Variants in ABCA4 observed in about 807,000 individuals in gnomAD.
ABCA4 encodes the protein retinal-specific phospholipid-transporting ATPase ABCA4.
Under a neutral mutation model 263.7 loss-of-function variants are expected in ABCA4, and 196 were observed. The observed-to-expected ratio is 0.74, with a 90% CI of 0.66 to 0.84. The LOEUF is 0.84. Among genes scored for constraint, ABCA4 ranks in the 40% least tolerant of loss-of-function variants. ABCA4 has a pLI of 0.00. For synonymous variants in ABCA4, 1,133 were observed against 1,094.2 expected (o/e 1.04, Z -0.70); for missense variants, 2,792 against 2,855.1 (o/e 0.98, Z 0.50).
chr1:94,036,518 A>G (rs1660341256), intron 26 of ABCA4, among the ~76,000 whole-genome samples: 1 of 151,910 alleles, frequency 6.6e-6, no homozygotes, highest in Non-Finnish European at 1.5e-5. Flanking sequence ...CTGGAATTAC[A>G]GGTGCGCGCC....
At chr1:94,089,470 A>AT (rs60711208) in intron 6 of ABCA4, among the ~76,000 whole-genome samples, 2,687 of 141,722 alleles carry the variant, frequency 0.019, 59 homozygotes, top group African/African-American at 0.052. Flanking sequence ...TTTCTTTTCT[A>AT]TTTTTTTTTT....
chr1:94,004,103 C>T (rs1182417743), intron 44 of ABCA4, among the ~76,000 whole-genome samples: 1 of 152,130 alleles, frequency 6.6e-6, no homozygotes, highest in African/African-American at 2.4e-5. Flanking sequence ...GCTAAGTGTG[C>T]TCATGGCTAC....
chr1:94,116,568 C>T (rs200462511), intron 1 of ABCA4, among the ~76,000 whole-genome samples: 2 of 151,700 alleles, frequency 1.3e-5, no homozygotes, highest in African/African-American at 2.4e-5. Flanking sequence ...TGGCGGGGGG[C>T]GGGGGCGGTT....
intron 1 of ABCA4, among the ~76,000 whole-genome samples, chr1:94,119,147 A>G (rs1662880990): frequency 6.6e-6 from 1 of 152,222 alleles, no homozygotes; most frequent in Non-Finnish European, 1.5e-5. Flanking sequence ...GGAAAGAATG[A>G]ATACATGAAA....
intron 24 of ABCA4, among the ~76,000 whole-genome samples, chr1:94,039,328 A>C (rs1660426418): frequency 1.3e-5 from 2 of 152,246 alleles, no homozygotes; most frequent in South Asian, 4.1e-4. Flanking sequence ...AATTCTTAAC[A>C]TTTGAAAAAG....
chr1:94,102,963 G>A, intron 5 of ABCA4, 52 bp downstream of exon 5: 1 of 1,612,968 alleles, frequency 6.2e-7, no homozygotes, highest in Non-Finnish European at 8.5e-7. Flanking sequence ...CCTTTCTCAG[G>A]CTGGGTGCTT....
Position 94,060,625 on chromosome 1 carries a change from A to G in ABCA4, c.2072T>C (p.Val691Ala). The change falls in exon 14 of 50, where the codon GTC becomes GCC. Residue 691 changes from valine (V) to alanine (A), a missense_variant. By Grantham distance (64) the Val-to-Ala change is moderately conservative. Coordinates refer to ENST00000370225, the MANE Select transcript of ABCA4 (RefSeq NM_000350.3). ...GGTACACCAAATCACTGCATTGGAG[A>G]CACCCTGATTTTTCAAGGTCTCCTT... ...RLKETLKNQG[V>A]SNAVIWCTWF... 6.2e-7 allele frequency: 1 copy of G among 1,614,160 alleles called. No individual in the cohort carries two copies. The highest frequency in any genetic ancestry group is 1.1e-5 in the South Asian group (1 of 91,072).
At chr1:94,092,407 A>C (rs1451964308) in intron 6 of ABCA4, among the ~76,000 whole-genome samples, 1 of 152,250 alleles carries the variant, frequency 6.6e-6, no homozygotes, top group Non-Finnish European at 1.5e-5. Context: ...GATTTGAAGC[A>C]TGTTTCTTGC....
At chr1:94,066,621 G>A (rs945339332) in intron 11 of ABCA4, among the ~76,000 whole-genome samples, 1 of 152,248 alleles carries the variant, frequency 6.6e-6, no homozygotes, top group African/African-American at 2.4e-5. Flanking sequence ...TGGGATCAGA[G>A]GAGCAAAGGG....
At chr1:94,011,966 T>C (rs1659559166) in intron 38 of ABCA4, among the ~76,000 whole-genome samples, 1 of 152,168 alleles carries the variant, frequency 6.6e-6, no homozygotes, top group African/African-American at 2.4e-5. Context: ...GCAACTACCA[T>C]TGTCTAGGGA....
chr1:94,038,175 G>A (rs1320391626), intron 24 of ABCA4, among the ~76,000 whole-genome samples: 1 of 151,938 alleles, frequency 6.6e-6, no homozygotes, highest in African/African-American at 2.4e-5. Flanking sequence ...TGGGGGAGAG[G>A]GTAGGATATG....
intron 30 of ABCA4, among the ~76,000 whole-genome samples, chr1:94,028,294 C>T (rs1057486870): frequency 6.6e-6 from 1 of 152,172 alleles, no homozygotes; most frequent in Non-Finnish European, 1.5e-5. Flanking sequence ...CCATTATCAA[C>T]CACGGACACA....
chr1:94,004,254 TC>T (rs71588508), intron 44 of ABCA4, among the ~76,000 whole-genome samples: 18,002 of 152,224 alleles, frequency 0.12, 1,159 homozygotes, highest in Non-Finnish European at 0.14. Context: ...ATTCCTGAAT[TC>T]CCAGTGCTAC....
At chr1:94,086,899 A>G (rs1402934197) in intron 6 of ABCA4, among the ~76,000 whole-genome samples, 2 of 152,170 alleles carry the variant, frequency 1.3e-5, no homozygotes, top group African/African-American at 2.4e-5. Flanking sequence ...GGCTGCTACA[A>G]CAAAATACCA....
intron 4 of ABCA4, among the ~76,000 whole-genome samples, chr1:94,105,909 C>A (rs1261671872): frequency 6.6e-6 from 1 of 152,222 alleles, no homozygotes; most frequent in Non-Finnish European, 1.5e-5. Flanking sequence ...CCGCCACCCC[C>A]ACCCGCTCGC....
At chr1:94,027,897 G>C (rs572123431) in intron 30 of ABCA4, among the ~76,000 whole-genome samples, 2 of 152,218 alleles carry the variant, frequency 1.3e-5, no homozygotes, top group African/African-American at 4.8e-5. Context: ...TGAGGCTGAG[G>C]CCTGTTTAGT....
chr1:94,019,487 A>G, intron 36 of ABCA4, 95 bp downstream of exon 36: 1 of 1,407,366 alleles, frequency 7.1e-7, no homozygotes, highest in Non-Finnish European at 9.7e-7. Flanking sequence ...TGGCACCGTG[A>G]GAACCCCTCC....
At chr1:94,065,175 C>A (rs1457870514) in intron 11 of ABCA4, among the ~76,000 whole-genome samples, 4 of 151,962 alleles carry the variant, frequency 2.6e-5, no homozygotes, top group Non-Finnish European at 2.9e-5. Context: ...TCCTGCCACA[C>A]CAGGAACCGT....
rs1391251856 is a variant in ABCA4, at chr1:94,044,640, C to G, written c.3023G>C (p.Cys1008Ser). The G allele has an allele frequency of 5.6e-6, 9 of 1,614,084 alleles. No homozygotes were observed. The highest frequency in any genetic ancestry group is 1.3e-5 in the African/African-American group (1 of 74,928). Reference sequence around the variant, plus strand: ...GTGGAACAGGATGTTGTGCTGTGGACACATGCCAAGGCTCTGCCGGACTGC... The same window carrying G: ...GTGGAACAGGATGTTGTGCTGTGGAGACATGCCAAGGCTCTGCCGGACTGC... Reference protein sequence around the residue: ...LDAVRQSLGMCPQHNILFHHL... With the variant: ...LDAVRQSLGMSPQHNILFHHL... Residue 1008 changes from cysteine (C) to serine (S), a missense_variant, in exon 20 of 50, where the codon TGT (cysteine) becomes TCT (serine). By Grantham distance (112) the Cys-to-Ser change is moderately radical. Coordinates refer to ENST00000370225, the MANE Select transcript of ABCA4 (RefSeq NM_000350.3).
Sources: gnomAD v4.1 joint callset for allele counts (sites outside exome capture counted in the v4.1 genomes callset) on GRCh38, gnomAD v4.1.1 for gene constraint, MANE v1.5 for transcripts, NCBI Gene and HGNC (gene_info 2026-07-23, HGNC 2026-07-21) for gene names.